Variants in EFCAB12 observed in about 807,000 individuals in gnomAD.
The protein encoded by EFCAB12 is EF-hand calcium-binding domain-containing protein 12.
Under a neutral mutation model 53.6 loss-of-function variants are expected in EFCAB12, and 43 were observed. That is an observed-to-expected ratio of 0.80 (90% CI 0.63 to 1.03). The LOEUF is 1.03. Among genes scored for constraint, EFCAB12 ranks in the 50% least tolerant of loss-of-function variants. The pLI, the probability that EFCAB12 is intolerant of heterozygous loss-of-function variation, is 0.00. For synonymous variants in EFCAB12, 269 were observed against 289.2 expected, an observed-to-expected ratio of 0.93 and a Z score of 0.71; for missense variants, 646 against 730.6, an observed-to-expected ratio of 0.88 and a Z score of 1.34.
chr3:129,411,651 A>C, intron 4 of EFCAB12: 2 of 256,476 alleles, frequency 7.8e-6, no homozygotes, highest in East Asian at 8.2e-5. Context: ...AATATAGAGT[A>C]TAGCCAGGCG....
At chr3:129,404,111 A>C in intron 7 of EFCAB12, 139 bp downstream of exon 7, 1 of 1,137,782 alleles carries the variant, frequency 8.8e-7, no homozygotes, top group African/African-American at 1.6e-5. Context: ...GTGAGCAGTC[A>C]GGTTGGGGGA....
chr3:129,409,040 A>G (rs1051706076), intron 5 of EFCAB12, among the ~76,000 whole-genome samples, 182 bp from the exon 6 acceptor site: 1 of 152,256 alleles, frequency 6.6e-6, no homozygotes, highest in Non-Finnish European at 1.5e-5. Flanking sequence ...CTTCAGGTTC[A>G]GAAGCTCAGG....
intron 2 of EFCAB12, 146 bp downstream of exon 2, chr3:129,421,221 C>A (rs991132540): frequency 1.1e-5 from 10 of 881,262 alleles, no homozygotes; most frequent in Middle Eastern, 3.5e-4. Context: ...GATAACTAGA[C>A]AACTAATACA....
intron 8 of EFCAB12, 140 bp downstream of exon 8, chr3:129,402,379 CCTCT>C (rs1375598478): frequency 1.1e-6 from 1 of 883,668 alleles, no homozygotes; most frequent in Non-Finnish European, 1.8e-6. Flanking sequence ...GCCTCCTGGC[CCTCT>C]CTGTGTTGTG....
At chr3:129,426,013 T>A (rs1457713371) in intron 1 of EFCAB12, among the ~76,000 whole-genome samples, 1 of 152,232 alleles carries the variant, frequency 6.6e-6, no homozygotes, top group East Asian at 1.9e-4. Flanking sequence ...ACACTTGTTC[T>A]CTCTTTTCTC....
Position 129,428,506 on chromosome 3 carries a change from G to A in EFCAB12, c.-18C>T, listed in dbSNP as rs779067964. ...TCGTCCATGGTCGTGGTGCTGGGAG[G>A]GGGTGCTGAAGGGCGTGTGTGAATG... is the stretch of plus-strand genomic sequence containing the variant. On this transcript the variant is annotated 5_prime_UTR_variant, in exon 1 of 9. Transcript: ENST00000505956. 1.2e-6 allele frequency: 2 copies of A among 1,610,412 alleles called. No individual in the cohort carries two copies. Among genetic ancestry groups the A allele is most frequent in the Non-Finnish European group, 1.7e-6 (2 of 1,178,328 alleles).
chr3:129,404,265 G>C lies in EFCAB12; in HGVS notation c.1388C>G (p.Ser463Cys), dbSNP rs2071916139. Reference sequence around the variant, plus strand: ...GAAACTCAGCTTGTCAGTCCTCTTAGACTTGCCAGGGCCCTGGGACCGGAG... The same window carrying C: ...GAAACTCAGCTTGTCAGTCCTCTTACACTTGCCAGGGCCCTGGGACCGGAG... ...ALLRSQGPGK[S>C]KRTDKKTPKK... Residue 463 changes from serine to cysteine, a missense_variant, in exon 7 of 9, where the codon TCT becomes TGT. By Grantham distance (112) the Ser-to-Cys change is moderately radical. Transcript: ENST00000505956. 6 of 1,613,566 alleles carry C rather than the reference G, an allele frequency of 3.7e-6. No individual in the cohort carries two copies. The African/African-American group carries it at 5.3e-5, about 14-fold the overall frequency.
At chr3:129,415,033 A>T in intron 4 of EFCAB12, 1 of 485,294 alleles carries the variant, frequency 2.1e-6, no homozygotes, top group East Asian at 4.2e-5. Flanking sequence ...TTGTCTTTGA[A>T]TGGACACAGT....
chr3:129,415,346 G>C lies in EFCAB12; in HGVS notation c.737C>G (p.Ser246Cys), dbSNP rs370395767. 1.2e-6 allele frequency: 2 copies of C among 1,613,810 alleles called. No individual in the cohort carries two copies. Among genetic ancestry groups the C allele is most frequent in the African/African-American group, 1.3e-5 (1 of 75,046 alleles). Reference sequence around the variant, plus strand: ...GGTGATGGTGTTGTGCTTCCCAAGAGAGCTGAGGTAGATCACTATATCCTC... The same window carrying C: ...GGTGATGGTGTTGTGCTTCCCAAGACAGCTGAGGTAGATCACTATATCCTC... ...EVEDIVIYLS[S>C]LGKHNTITMD... The change falls in exon 4 of 9, where the codon TCT becomes TGT. Residue 246 changes from serine (S) to cysteine (C), a missense_variant. Coordinates refer to ENST00000505956, the MANE Select transcript of EFCAB12 (RefSeq NM_207307.3).
At chr3:129,419,197 T>A (rs1251161370) in intron 2 of EFCAB12, among the ~76,000 whole-genome samples, 1 of 152,230 alleles carries the variant, frequency 6.6e-6, no homozygotes, top group African/African-American at 2.4e-5. Context: ...ACTTGGCACA[T>A]GTGACTATTG....
At position 129,428,444 on chromosome 3, in the gene EFCAB12, C is replaced by T. The variant is rs2072297125; in HGVS notation, c.45G>A (p.Leu15=). Residue 15 remains leucine (L), a synonymous_variant, in exon 1 of 9, where the codon CTG becomes CTA. Transcript: ENST00000505956. ...ACGCTTCTTCCCGGGGCTTACCGAG[C>T]AGCGACAAGAACAGACTGTGGTACG... is the stretch of plus-strand genomic sequence containing the variant. ...YEAYHSLFLS[L]LGLCPSKTPI... 6.2e-7 allele frequency: 1 copy of T among 1,609,034 alleles called. No individual in the cohort carries two copies. The highest frequency in any genetic ancestry group is 1.1e-5 in the South Asian group (1 of 89,944).
intron 4 of EFCAB12, chr3:129,414,043 C>G (rs79857136): frequency 6.6e-6 from 1 of 152,210 alleles, no homozygotes; most frequent in East Asian, 1.9e-4. Flanking sequence ...AGAGGGAAAG[C>G]AGCCCAACTT....
intron 1 of EFCAB12, among the ~76,000 whole-genome samples, chr3:129,426,001 A>T (rs192772446): frequency 2.6e-4 from 40 of 152,282 alleles, no homozygotes; most frequent in Non-Finnish European, 2.8e-4. Flanking sequence ...GTCCCAGAAA[A>T]CACACTTGTT....
In EFCAB12 at chr3:129,401,933, G is replaced by A. The variant is rs142780545; in HGVS notation, c.1461-82C>T. On this transcript the variant is annotated intron_variant, in intron 8 of 8. Transcript: ENST00000505956. ...CTTCATCGCAGAGCCCACCAACTGT[G>A]ACCAAAGTGGAGATTTAGCACTGTG... 2.3e-4 allele frequency: 349 copies of A among 1,514,996 alleles called. No homozygotes were observed. In the African/African-American group the frequency reaches 4.1e-3, roughly 18 times the overall value. 93.8% of individuals were successfully genotyped at this position (1,514,996 alleles called of 1,614,324 possible). A position where few individuals can be genotyped will look rare whatever the true frequency, so the allele number is the denominator to read the frequency against.
chr3:129,416,823 T>A (rs2072121794), intron 3 of EFCAB12, among the ~76,000 whole-genome samples: 1 of 152,192 alleles, frequency 6.6e-6, no homozygotes, highest in South Asian at 2.1e-4. Flanking sequence ...ATAAGTTTTT[T>A]AATTTTTTGT....
chr3:129,411,571 C>T, intron 4 of EFCAB12: 1 of 435,930 alleles, frequency 2.3e-6, no homozygotes, highest in Non-Finnish European at 4.0e-6. Context: ...ACTGCACCAA[C>T]CCCAGCCCTC....
rs1190318692 is a variant in EFCAB12, at chr3:129,421,669, C to T, written c.184G>A (p.Val62Met). The change falls in exon 2 of 9, where the codon GTG (valine) becomes ATG (methionine). Residue 62 changes from valine (V) to methionine (M), a missense_variant. By Grantham distance (21) the Val-to-Met change is conservative. Coordinates refer to ENST00000505956, the MANE Select transcript of EFCAB12 (RefSeq NM_207307.3). ...GGTGTCTGATCCTCCTTGCGAGGCACCATGATGATTCGCCGGCGGGTCTGA... is the reference window on the plus strand; with the variant it reads ...GGTGTCTGATCCTCCTTGCGAGGCATCATGATGATTCGCCGGCGGGTCTGA... ...LPQTRRRIIM[V>M]PRKEDQTPLN... The T allele has an allele frequency of 6.2e-7, 1 of 1,613,788 alleles. No homozygotes were observed. The highest frequency in any genetic ancestry group is 1.3e-5 in the African/African-American group (1 of 74,898).
chr3:129,416,279 A>C (rs2072113743), intron 3 of EFCAB12, among the ~76,000 whole-genome samples: 1 of 152,122 alleles, frequency 6.6e-6, no homozygotes, highest in African/African-American at 2.4e-5. Flanking sequence ...TTAGCCAGGC[A>C]TGGGGACACA....
chr3:129,418,281 C>T lies in EFCAB12; in HGVS notation c.654G>A (p.Arg218=). ...VGQGENQRIT[R]EEFIAAVKAV... ...CCTTTACAGCCGCGATGAACTCCTC[C>T]CTGGTGATTCTCTGGTTCTCACCCT... The change falls in exon 3 of 9, where the codon AGG becomes AGA. Residue 218 remains arginine (R), a synonymous_variant. Transcript: ENST00000505956. 6.2e-7 allele frequency: 1 copy of T among 1,612,682 alleles called. No homozygotes were observed. Among genetic ancestry groups the T allele is most frequent in the Non-Finnish European group, 8.5e-7 (1 of 1,179,094 alleles).
Sources: gnomAD v4.1 joint callset for allele counts (sites outside exome capture counted in the v4.1 genomes callset) on GRCh38, gnomAD v4.1.1 for gene constraint, MANE v1.5 for transcripts, NCBI Gene and HGNC (gene_info 2026-07-23, HGNC 2026-07-21) for gene names.